The following HHAT variants were observed in gnomAD, a reference collection of about 807,000 sequenced individuals.
HHAT encodes protein-cysteine N-palmitoyltransferase HHAT.
A neutral mutation model predicts 70.8 loss-of-function variants in HHAT; 47 were observed. That is an observed-to-expected ratio of 0.66 (90% confidence interval 0.53 to 0.85). The LOEUF (loss-of-function observed/expected upper bound fraction) is 0.85. HHAT is among the 40% of genes least tolerant of loss of function. The pLI is 0.00. For missense variants in HHAT, 609 were observed against 604.8 expected, an observed-to-expected ratio of 1.01 and a Z score of -0.07; for synonymous variants, 228 against 247.6, an observed-to-expected ratio of 0.92 and a Z score of 0.74.
At chr1:210,577,073 G>C (rs1404636682) in intron 9 of HHAT, among the ~76,000 whole-genome samples, 1 of 146,868 alleles carries the variant, frequency 6.8e-6, no homozygotes, top group East Asian at 2.0e-4. Context: ...TGTTTAACGG[G>C]TTTTTTTTTT....
intron 1 of HHAT, among the ~76,000 whole-genome samples, chr1:210,337,002 C>CT (rs915049734): frequency 9.9e-5 from 15 of 151,836 alleles, no homozygotes; most frequent in Admixed American, 2.0e-4. Context: ...ACATCAGTAG[C>CT]TTTTTTTTGA....
intron 8 of HHAT, among the ~76,000 whole-genome samples, chr1:210,494,355 G>A (rs1040155022): frequency 6.6e-6 from 1 of 152,060 alleles, no homozygotes; most frequent in Non-Finnish European, 1.5e-5. Context: ...TCAGATTCTG[G>A]ATATATCTCA....
chr1:210,612,020 A>G lies in HHAT; in HGVS notation c.1246-11506A>G, dbSNP rs371639059. ...TGACATCAGGATGACGCTGGCCTTC[A>G]TGATAGCTTCTTAGAATGTATTTAG... On this transcript the variant is annotated intron_variant, in intron 10 of 11. Coordinates refer to ENST00000261458, the MANE Select transcript of HHAT (RefSeq NM_018194.6). 2.6e-5 allele frequency among the ~76,000 whole-genome samples: 4 copies of G among 151,970 alleles called. No individual in the cohort carries two copies. In the South Asian group the frequency reaches 8.3e-4, roughly 31 times the overall value.
chr1:210,413,749 C>A (rs2092634984), intron 6 of HHAT, among the ~76,000 whole-genome samples: 1 of 152,198 alleles, frequency 6.6e-6, no homozygotes, highest in Non-Finnish European at 1.5e-5. Context: ...CTTTACCATG[C>A]ACATTTCCAC....
At chr1:210,577,385 A>T (rs1436122290) in intron 9 of HHAT, among the ~76,000 whole-genome samples, 2 of 152,140 alleles carry the variant, frequency 1.3e-5, no homozygotes, top group African/African-American at 4.8e-5. Flanking sequence ...TTTTTATCAT[A>T]AAAGTTTGTT....
At chr1:210,567,280 G>T (rs1654998937) in intron 9 of HHAT, among the ~76,000 whole-genome samples, 1 of 152,288 alleles carries the variant, frequency 6.6e-6, no homozygotes, top group South Asian at 2.1e-4. Context: ...GTGCATCACT[G>T]TAATTTTCAC....
intron 3 of HHAT, among the ~76,000 whole-genome samples, chr1:210,374,754 G>A (rs1571989458): frequency 6.9e-6 from 1 of 144,260 alleles, no homozygotes; most frequent in East Asian, 1.9e-4. Flanking sequence ...AGCTTCCCCA[G>A]TGGGGAATCT....
chr1:210,523,811 T>C (rs747512580), intron 9 of HHAT, among the ~76,000 whole-genome samples: 41 of 120,604 alleles, frequency 3.4e-4, no homozygotes, highest in Non-Finnish European at 6.9e-4. Flanking sequence ...AACCCATTTA[T>C]TTTTATACCA....
At chr1:210,380,501 C>T (rs2090547008) in intron 3 of HHAT, among the ~76,000 whole-genome samples, 2 of 152,134 alleles carry the variant, frequency 1.3e-5, no homozygotes, top group Non-Finnish European at 2.9e-5. Flanking sequence ...GATCATGCCA[C>T]TGCACTCCAG....
intron 3 of HHAT, among the ~76,000 whole-genome samples, chr1:210,371,144 T>C (rs1184790797): frequency 6.6e-6 from 1 of 152,078 alleles, no homozygotes; most frequent in Non-Finnish European, 1.5e-5. Flanking sequence ...AATCATGGGT[T>C]TCTTTTTTTT....
chr1:210,361,355 G>A (rs534694101), intron 2 of HHAT, among the ~76,000 whole-genome samples: 2 of 152,194 alleles, frequency 1.3e-5, no homozygotes, highest in Non-Finnish European at 2.9e-5. Context: ...ATGGTCTTGC[G>A]TGCAGCTGTC....
chr1:210,418,136 C>T lies in HHAT; in HGVS notation c.685-18C>T. 3.7e-6 allele frequency: 6 copies of T among 1,613,916 alleles called. No homozygotes were observed. Among genetic ancestry groups the T allele is most frequent in the Non-Finnish European group, 5.1e-6 (6 of 1,179,834 alleles). ...GAATCAAGGCACCATCGAATGACCT[C>T]TTTTGTTTCCACTTTAGATGCAGCA... On this transcript the variant is annotated intron_variant, in intron 6 of 11. Transcript: ENST00000261458.
At chr1:210,355,547 C>T (rs1380999716) in intron 2 of HHAT, among the ~76,000 whole-genome samples, 2 of 152,180 alleles carry the variant, frequency 1.3e-5, no homozygotes, top group Non-Finnish European at 2.9e-5. Flanking sequence ...GGATTCATTC[C>T]TATTACAAAC....
chr1:210,653,141 A>G (rs943821972), intron 11 of HHAT, among the ~76,000 whole-genome samples: 76 of 152,232 alleles, frequency 5.0e-4, no homozygotes, highest in African/African-American at 1.6e-3. Context: ...ATACATACAT[A>G]CATACATACA....
intron 11 of HHAT, among the ~76,000 whole-genome samples, chr1:210,660,578 T>C (rs575255871): frequency 6.6e-6 from 1 of 152,122 alleles, no homozygotes; most frequent in East Asian, 1.9e-4. Flanking sequence ...AAAGTTCATA[T>C]GGAACCAAAA....
intron 10 of HHAT, among the ~76,000 whole-genome samples, chr1:210,597,362 G>T (rs529613731): frequency 6.6e-6 from 1 of 152,136 alleles, no homozygotes; most frequent in Non-Finnish European, 1.5e-5. Context: ...AGGCCCTAGC[G>T]TTCTATAATC....
chr1:210,374,282 G>A (rs753532447), intron 3 of HHAT: 1 of 152,136 alleles, frequency 6.6e-6, no homozygotes, highest in Non-Finnish European at 1.5e-5. Context: ...CTACAAATTA[G>A]TTCAACTCAT....
At chr1:210,372,427 T>C (rs765876447) in intron 3 of HHAT, among the ~76,000 whole-genome samples, 6 of 152,244 alleles carry the variant, frequency 3.9e-5, no homozygotes, top group Non-Finnish European at 2.9e-5. Context: ...CACTTGGAGA[T>C]GGACAGGAGT....
At chr1:210,491,415 T>G (rs950866679) in intron 8 of HHAT, among the ~76,000 whole-genome samples, 28 of 152,134 alleles carry the variant, frequency 1.8e-4, no homozygotes, top group Admixed American at 1.2e-3. Context: ...AGAGAGCTGG[T>G]GGGAAGGCAG....
Sources: gnomAD v4.1 joint callset for allele counts (sites outside exome capture counted in the v4.1 genomes callset) on GRCh38, gnomAD v4.1.1 for gene constraint, MANE v1.5 for transcripts, NCBI Gene and HGNC (gene_info 2026-07-23, HGNC 2026-07-21) for gene names.